The following ZNF317 variants were observed in gnomAD, a reference collection of about 807,000 sequenced individuals.
ZNF317 encodes the protein zinc finger protein 317.
ZNF317 carries 17 observed loss-of-function variants against 23.4 expected under a neutral mutation model. The observed-to-expected ratio is 0.73, with a 90% CI of 0.50 to 1.09. ZNF317 has a LOEUF of 1.09. Ranked by LOEUF, ZNF317 falls within the 50% of genes least tolerant of loss-of-function variation. The pLI, the probability that ZNF317 is intolerant of heterozygous loss-of-function variation, is 0.00. For synonymous variants in ZNF317, 317 were observed against 314.9 expected (o/e 1.01, Z -0.07); for missense variants, 679 against 796.7 (o/e 0.85, Z 1.78).
chr19:9,161,209 C>T lies in ZNF317; in HGVS notation c.1564C>T (p.Arg522Ter). 1.9e-6 allele frequency: 3 copies of T among 1,603,112 alleles called. No individual in the cohort carries two copies. The highest frequency in any genetic ancestry group is 2.6e-6 in the Non-Finnish European group (3 of 1,175,322). Residue 522 changes from arginine (R) to a stop codon, truncating the protein, a stop_gained, in exon 7 of 7, where the codon CGA becomes TGA. Coordinates refer to ENST00000247956, the MANE Select transcript of ZNF317 (RefSeq NM_020933.5). LOFTEE classifies it low-confidence loss of function (END_TRUNC). The surrounding 1 kb of genome is among the most constrained non-coding windows in gnomAD (Gnocchi z 4.0). ...RNQSTLKTHM[R>*]SHTGEKPYEC... ...CCAGTCAACGCTGAAGACGCACATG[C>T]GAAGCCACACGGGGGAGAAACCGTA...
Position 9,155,913 on chromosome 19 carries a change from C to A in ZNF317, c.-92-12C>A. On this transcript the variant is annotated splice_polypyrimidine_tract_variant and intron_variant, in intron 1 of 6. Coordinates refer to ENST00000247956, the MANE Select transcript of ZNF317 (RefSeq NM_020933.5). ...CCTTTCACTACTCCCGATGTTCTTT[C>A]ATTTGCTACAGATGCCAGCTTGGAG... The A allele has an allele frequency of 1.4e-6, 2 of 1,425,182 alleles. No individual in the cohort carries two copies. The highest frequency in any genetic ancestry group is 1.4e-5 in the African/African-American group (1 of 71,314). 88.3% of individuals were successfully genotyped at this position (1,425,182 alleles called of 1,614,324 possible).
Position 9,161,516 on chromosome 19 carries a change from C to T in ZNF317, c.*83C>T. The T allele has an allele frequency of 6.6e-7, 1 of 1,514,896 alleles. No individual in the cohort carries two copies. Among genetic ancestry groups the T allele is most frequent in the Non-Finnish European group, 8.8e-7 (1 of 1,130,764 alleles). 93.8% of individuals were successfully genotyped at this position (1,514,896 alleles called of 1,614,324 possible). ...AAGAGGAAGCCTCTGTGAGCTCGCA[C>T]CTTACTGGGTGCAAAAGAATCCACG... is the stretch of plus-strand genomic sequence containing the variant. On this transcript the variant is annotated 3_prime_UTR_variant, in exon 7 of 7. Transcript: ENST00000247956. The surrounding 1 kb of genome is among the most constrained non-coding windows in gnomAD (Gnocchi z 4.0).
chr19:9,161,285 T>C lies in ZNF317; in HGVS notation c.1640T>C (p.Val547Ala), dbSNP rs756261368. 3.7e-6 allele frequency: 6 copies of C among 1,611,168 alleles called. No individual in the cohort carries two copies. Among genetic ancestry groups the C allele is most frequent in the Non-Finnish European group, 5.1e-6 (6 of 1,178,734 alleles). Residue 547 changes from valine to alanine, a missense_variant, in exon 7 of 7, where the codon GTG becomes GCG. Transcript: ENST00000247956. The surrounding 1 kb of genome is among the most constrained non-coding windows in gnomAD (Gnocchi z 4.0). ...KAFSIGSNLNVHRRIHTGEKP... is the reference protein window; with the variant it reads ...KAFSIGSNLNAHRRIHTGEKP... ...TTCAGCATAGGCTCCAACCTGAATG[T>C]GCACAGGCGGATCCACACCGGGGAG...
chr19:9,140,612 A>G lies in ZNF317; in HGVS notation c.-93+20A>G, dbSNP rs1393717552. ...AGTCGTGTAAGCCCTGCTTTCCTTA[A>G]CCCTTCTCCCCCTCAGTTCCAGGGG... On this transcript the variant is annotated intron_variant, in intron 1 of 6. Coordinates refer to ENST00000247956, the MANE Select transcript of ZNF317 (RefSeq NM_020933.5). The G allele has an allele frequency of 4.4e-6, 2 of 455,218 alleles. No individual in the cohort carries two copies. The highest frequency in any genetic ancestry group is 1.4e-4 in the East Asian group (2 of 14,316). 28.2% of individuals were successfully genotyped at this position (455,218 alleles called of 1,614,324 possible).
intron 1 of ZNF317, among the ~76,000 whole-genome samples, chr19:9,145,491 A>C (rs2050675107): frequency 6.6e-6 from 1 of 152,206 alleles, no homozygotes; most frequent in African/African-American, 2.4e-5. Context: ...ACTCCCATGT[A>C]ACTTAAAGTT....
Position 9,157,124 on chromosome 19 carries a change from C to T in ZNF317, c.163-144C>T, listed in dbSNP as rs112697953. On this transcript the variant is annotated intron_variant, in intron 3 of 6. Transcript: ENST00000247956. ...GAGAGAGGATGTCTGAGGACTGATGCCTGGAGGAAATGTTGAGCCCCGTAG... is the reference window on the plus strand; with the variant it reads ...GAGAGAGGATGTCTGAGGACTGATGTCTGGAGGAAATGTTGAGCCCCGTAG... The T allele has an allele frequency of 2.0e-5, 20 of 992,054 alleles. No homozygotes were observed. In the African/African-American group the frequency reaches 2.8e-4, roughly 14 times the overall value. The allele number at this position is 992,054 out of a possible 1,614,324, so 61.5% of individuals were successfully genotyped here.
chr19:9,158,998 G>T (rs2050818708), intron 6 of ZNF317, 90 bp downstream of exon 6: 1 of 841,384 alleles, frequency 1.2e-6, no homozygotes, highest in Non-Finnish European at 2.0e-6. Flanking sequence ...CAACACCAGG[G>T]CAAGCAGCTT....
intron 3 of ZNF317, 51 bp downstream of exon 3, chr19:9,156,799 AC>A (rs1232520040): frequency 6.3e-7 from 1 of 1,591,226 alleles, no homozygotes; most frequent in Non-Finnish European, 8.6e-7. Flanking sequence ...TTCCTGGAAG[AC>A]CCCACCAGTG....
rs189067224 is a variant in ZNF317, at chr19:9,157,190, G to T, written c.163-78G>T. 252 of 1,567,112 alleles carry T rather than the reference G, an allele frequency of 1.6e-4. 2 individuals are homozygous for T. In the African/African-American group the frequency reaches 3.1e-3, roughly 19 times the overall value. On this transcript the variant is annotated intron_variant, in intron 3 of 6. Transcript: ENST00000247956. Reference sequence around the variant, plus strand: ...TCCTGTGTTGGGTCTCTCATGCCCGGTCTTCAACCTCAGCCATCTTACCAT... The same window carrying T: ...TCCTGTGTTGGGTCTCTCATGCCCGTTCTTCAACCTCAGCCATCTTACCAT...
In ZNF317 at chr19:9,143,146, CTGAGGTT is replaced by C. The variant is rs1240415441; in HGVS notation, c.-93+2556_-93+2562del. ...TTCTTTAGGAATTTATTTATTCCAT[CTGAGGTT>C]TAAATCGTATAGTCAGGGTTGTTCA... On this transcript the variant is annotated intron_variant, in intron 1 of 6. Transcript: ENST00000247956. Among the ~76,000 whole-genome samples, 5 of 152,238 alleles carry C rather than the reference CTGAGGTT, an allele frequency of 3.3e-5. No individual in the cohort carries two copies. The South Asian group carries it at 1.0e-3, about 32-fold the overall frequency.
chr19:9,149,699 G>T (rs1329806400), intron 1 of ZNF317, among the ~76,000 whole-genome samples: 1 of 152,132 alleles, frequency 6.6e-6, no homozygotes, highest in Non-Finnish European at 1.5e-5. Flanking sequence ...AGAGCGAGTT[G>T]TGGGTGAGGC....
intron 1 of ZNF317, among the ~76,000 whole-genome samples, chr19:9,143,805 GCA>G (rs200133794): frequency 1.3e-5 from 2 of 148,672 alleles, no homozygotes; most frequent in East Asian, 2.0e-4. Context: ...ATACACACAG[GCA>G]CACACACACA....
rs200591339 is a variant in ZNF317, at chr19:9,158,363, C to CTTTTTTTTTTTTTTT, written c.385+302_385+316dup. 3.9e-3 allele frequency among the ~76,000 whole-genome samples: 302 copies of CTTTTTTTTTTTTTTT among 76,536 alleles called. 65 individuals are homozygous for CTTTTTTTTTTTTTTT. The highest frequency in any genetic ancestry group is 7.8e-3 in the African/African-American group (123 of 15,674). The allele number at this position is 76,536 out of a possible 152,430, so 50.2% of individuals were successfully genotyped here. A position where few individuals can be genotyped will look rare whatever the true frequency, so the allele number is the denominator to read the frequency against. ...CTGAATTGCCTTAAATTTCTTTTTT[C>CTTTTTTTTTTTTTTT]TTTTTTTTTTTTTTTTTTTTTTTTT... is the stretch of plus-strand genomic sequence containing the variant. On this transcript the variant is annotated intron_variant, in intron 5 of 6. Coordinates refer to ENST00000247956, the MANE Select transcript of ZNF317 (RefSeq NM_020933.5).
chr19:9,147,965 G>A (rs548456562), intron 1 of ZNF317, among the ~76,000 whole-genome samples: 45 of 152,218 alleles, frequency 3.0e-4, no homozygotes, highest in Admixed American at 7.2e-4. Context: ...CACTGTCCTC[G>A]TGATGGCGGG....
rs182838689 is a variant in ZNF317, at chr19:9,158,081, C to T, written c.385+6C>T. The T allele has an allele frequency of 2.4e-5, 37 of 1,548,564 alleles. No homozygotes were observed. The African/African-American group carries it at 3.4e-4, about 14-fold the overall frequency. On this transcript the variant is annotated splice_donor_region_variant and intron_variant, in intron 5 of 6. Coordinates refer to ENST00000247956, the MANE Select transcript of ZNF317 (RefSeq NM_020933.5). ...TCACCAGGGCGCTTGTGCAGGTGAGCGAGCCCCAGGCAAAGAGCGGTGCTG... is the reference window on the plus strand; with the variant it reads ...TCACCAGGGCGCTTGTGCAGGTGAGTGAGCCCCAGGCAAAGAGCGGTGCTG...
chr19:9,144,079 T>G (rs1277485655), intron 1 of ZNF317, among the ~76,000 whole-genome samples: 1 of 152,136 alleles, frequency 6.6e-6, no homozygotes, highest in East Asian at 1.9e-4. Context: ...CTTGGCTCAC[T>G]GCAACCTCCA....
At chr19:9,158,139 G>A (rs1292124388) in intron 5 of ZNF317, 64 bp downstream of exon 5, 2 of 1,498,374 alleles carry the variant, frequency 1.3e-6, no homozygotes, top group African/African-American at 2.8e-5. Flanking sequence ...CTGGGGTGGA[G>A]GGAGGTAGGT....
intron 1 of ZNF317, among the ~76,000 whole-genome samples, chr19:9,154,864 T>A (rs1316754839): frequency 6.6e-6 from 1 of 152,212 alleles, no homozygotes; most frequent in African/African-American, 2.4e-5. Context: ...TGCCCCAAAC[T>A]CAGCAGCATT....
rs374750547 is a variant in ZNF317 at position 9,159,545 on chromosome 19, G to GTT, written c.469-564_469-563dup. Among the ~76,000 whole-genome samples the GTT allele has an allele frequency of 1.8e-3, 265 of 146,794 alleles. 2 individuals are homozygous for GTT. The highest frequency in any genetic ancestry group is 0.013 in the East Asian group (64 of 4,838). On this transcript the variant is annotated intron_variant, in intron 6 of 6. Coordinates refer to ENST00000247956, the MANE Select transcript of ZNF317 (RefSeq NM_020933.5). The stretch of plus-strand genomic sequence containing the variant: ...TTTGTTTGTTTTTGTTGTTGTTTTT[G>GTT]TTTTTTGTTTTTTTTTTTGAGGCAC...
Sources: gnomAD v4.1 joint callset for allele counts (sites outside exome capture counted in the v4.1 genomes callset) on GRCh38, gnomAD v4.1.1 for gene constraint, Gnocchi (gnomAD v3.1) non-coding constraint, MANE v1.5 for transcripts, NCBI Gene and HGNC (gene_info 2026-07-23, HGNC 2026-07-21) for gene names.